LAMA2: variants seen among roughly 807,000 people sequenced by gnomAD.
LAMA2 encodes the protein laminin subunit alpha 2.
A neutral mutation model predicts 364.8 loss-of-function variants in LAMA2; 269 were observed. The ratio of observed to expected loss-of-function variants is 0.74; its 90% CI spans 0.67 to 0.82. LAMA2 has a LOEUF of 0.82. LAMA2 is among the 40% of genes least tolerant of loss of function. LAMA2 has a pLI of 0.00. For synonymous variants in LAMA2, 1,379 were observed against 1,370.6 expected, an observed-to-expected ratio of 1.01 and a Z score of -0.14; for missense variants, 3,807 against 3,873.2, an observed-to-expected ratio of 0.98 and a Z score of 0.45.
chr6:129,078,021 G>A lies in LAMA2; in HGVS notation c.396+18125G>A, dbSNP rs141792101. On this transcript the variant is annotated intron_variant, in intron 3 of 64. Transcript: ENST00000421865. ...ACTATAGGCTTTGGGTAATTTTGAC[G>A]TGTCAATGTCATTTCATCAGTCATT... Among the ~76,000 whole-genome samples, 49 of 152,254 alleles carry A rather than the reference G, an allele frequency of 3.2e-4. 1 individual carries two copies. Among genetic ancestry groups the A allele is most frequent in the South Asian group, 1.0e-3 (5 of 4,822 alleles).
chr6:129,028,394 T>C (rs4895842), intron 1 of LAMA2, among the ~76,000 whole-genome samples: 87,108 of 151,584 alleles, frequency 0.57, 28,884 homozygotes, highest in East Asian at 0.96. Context: ...AAGTTTTCAA[T>C]TTAGTTCAGG....
intron 12 of LAMA2, among the ~76,000 whole-genome samples, chr6:129,197,027 T>C (rs532864781): frequency 3.0e-4 from 46 of 152,050 alleles, no homozygotes; most frequent in Non-Finnish European, 6.0e-4. Flanking sequence ...AGACCAACAG[T>C]AACATTAAAA....
chr6:128,911,663 CT>C (rs1235337209), intron 1 of LAMA2, among the ~76,000 whole-genome samples: 1 of 152,126 alleles, frequency 6.6e-6, no homozygotes, highest in African/African-American at 2.4e-5. Flanking sequence ...GGCTCCTCCC[CT>C]AAAGGTATAA....
chr6:129,043,274 T>C (rs966871846), intron 1 of LAMA2, among the ~76,000 whole-genome samples: 2 of 152,214 alleles, frequency 1.3e-5, no homozygotes, highest in Non-Finnish European at 2.9e-5. Context: ...ATAGTTGTCA[T>C]ATATATTCTA....
intron 1 of LAMA2, among the ~76,000 whole-genome samples, chr6:128,891,419 T>C (rs1016916581): frequency 1.3e-5 from 2 of 152,078 alleles, no homozygotes; most frequent in African/African-American, 4.8e-5. Flanking sequence ...TTTCCTGGCT[T>C]TATTGCCTTC....
intron 1 of LAMA2, among the ~76,000 whole-genome samples, chr6:128,907,305 AT>A (rs1191311586): frequency 2.1e-5 from 3 of 141,704 alleles, no homozygotes; most frequent in Non-Finnish European, 4.6e-5. Flanking sequence ...ATCCTCTTTT[AT>A]TTCCTTGAGC....
In LAMA2 at chr6:128,988,291, C is replaced by T. The variant is rs117189060; in HGVS notation, c.113-61627C>T. On this transcript the variant is annotated intron_variant, in intron 1 of 64. Transcript: ENST00000421865. ...GGACTGGTAATTTTAGGATTGTCTA[C>T]TTGATGTTAACTAAATATCCTTCCT... Among the ~76,000 whole-genome samples the T allele has an allele frequency of 1.6e-3, 239 of 152,144 alleles. 3 individuals carry two copies. In the East Asian group the frequency reaches 0.04, roughly 25 times the overall value.
intron 1 of LAMA2, among the ~76,000 whole-genome samples, chr6:128,982,763 C>T (rs559096638): frequency 7.9e-6 from 1 of 126,706 alleles, no homozygotes; most frequent in African/African-American, 3.0e-5. Flanking sequence ...CCCCTCCCCC[C>T]ACCCCACCCC....
chr6:129,396,142 T>C (rs1425430594), intron 37 of LAMA2, among the ~76,000 whole-genome samples: 1 of 152,194 alleles, frequency 6.6e-6, no homozygotes, highest in Non-Finnish European at 1.5e-5. Flanking sequence ...TAGTGTGATA[T>C]TAGGCTAGAA....
chr6:129,438,893 C>A, intron 42 of LAMA2, 131 bp downstream of exon 42: 1 of 682,246 alleles, frequency 1.5e-6, no homozygotes, highest in Non-Finnish European at 2.7e-6. Context: ...TTTTCTTACT[C>A]ATGAATTCTT....
At chr6:129,403,787 G>T (rs750897142) in intron 39 of LAMA2, 34 bp from the exon 40 acceptor site, 23 of 1,598,342 alleles carry the variant, frequency 1.4e-5, no homozygotes, top group Non-Finnish European at 1.8e-5. Context: ...ACCATTGAGT[G>T]CCCTGACATT....
intron 1 of LAMA2, among the ~76,000 whole-genome samples, chr6:128,966,738 A>T (rs1007609805): frequency 3.3e-5 from 5 of 152,172 alleles, no homozygotes; most frequent in Admixed American, 2.0e-4. Context: ...AAAGCAGGTC[A>T]ATGTGCAAAG....
chr6:129,246,423 G>A (rs1785754785), intron 12 of LAMA2, among the ~76,000 whole-genome samples: 1 of 152,274 alleles, frequency 6.6e-6, no homozygotes, highest in South Asian at 2.1e-4. Flanking sequence ...ATTTAGTATT[G>A]CTGTGTGTCC....
chr6:129,468,470 G>A (rs1317834180), intron 51 of LAMA2, among the ~76,000 whole-genome samples: 1 of 151,606 alleles, frequency 6.6e-6, no homozygotes, highest in African/African-American at 2.4e-5. Context: ...ACTATAGCAG[G>A]TCAGTTAATA....
chr6:129,109,637 T>C (rs1302723445), intron 4 of LAMA2, among the ~76,000 whole-genome samples: 1 of 152,068 alleles, frequency 6.6e-6, no homozygotes, highest in African/African-American at 2.4e-5. Context: ...AAGATATATA[T>C]TTCTCCAAAC....
intron 8 of LAMA2, chr6:129,158,439 C>T (rs1779255651): frequency 5.0e-6 from 8 of 1,613,948 alleles, no homozygotes; most frequent in South Asian, 4.4e-5. Context: ...GGCAATAGTT[C>T]GCTGAACCAA....
chr6:129,454,349 T>C lies in LAMA2; in HGVS notation c.6707+61T>C, dbSNP rs999328856. On this transcript the variant is annotated intron_variant, in intron 47 of 64. Transcript: ENST00000421865. ...ATAGAATTTTGAAGTAGTTTCCCAGTTTATAAGAAAACTCCTATTTCCATT... is the reference window on the plus strand; with the variant it reads ...ATAGAATTTTGAAGTAGTTTCCCAGCTTATAAGAAAACTCCTATTTCCATT... 15 of 1,397,908 alleles carry C rather than the reference T, an allele frequency of 1.1e-5. No homozygotes were observed. The African/African-American group carries it at 2.2e-4, about 20-fold the overall frequency. 86.6% of individuals were successfully genotyped at this position (1,397,908 alleles called of 1,614,324 possible).
chr6:129,323,589 T>C (rs926925388), intron 28 of LAMA2, among the ~76,000 whole-genome samples: 2 of 152,220 alleles, frequency 1.3e-5, no homozygotes, highest in Admixed American at 1.3e-4. Flanking sequence ...ACCAGATTTC[T>C]TGGTGTTGGA....
chr6:129,319,577 A>G (rs2114511144), intron 27 of LAMA2, among the ~76,000 whole-genome samples: 1 of 152,292 alleles, frequency 6.6e-6, no homozygotes, highest in East Asian at 1.9e-4. Flanking sequence ...ATCATCCCAC[A>G]ACTTATCTAT....
Sources: gnomAD v4.1 joint callset for allele counts (sites outside exome capture counted in the v4.1 genomes callset) on GRCh38, gnomAD v4.1.1 for gene constraint, MANE v1.5 for transcripts, NCBI Gene and HGNC (gene_info 2026-07-23, HGNC 2026-07-21) for gene names.